The following EPS15L1 variants were observed in gnomAD, a reference collection of about 807,000 sequenced individuals.
The protein encoded by EPS15L1 is epidermal growth factor receptor pathway substrate 15 like 1.
EPS15L1 carries 43 observed loss-of-function variants against 117.1 expected under a neutral mutation model. The observed-to-expected ratio is 0.37, with a 90% CI of 0.29 to 0.47. The LOEUF (loss-of-function observed/expected upper bound fraction) is 0.47, where lower values mean the gene tolerates loss of function less well. EPS15L1 is among the 20% of genes least tolerant of loss of function. The pLI is 0.99. For synonymous variants in EPS15L1, 459 were observed against 470.5 expected (o/e 0.98, Z 0.32); for missense variants, 981 against 1,164.0 (o/e 0.84, Z 2.29).
chr19:16,380,719 A>C (rs1427337294), intron 21 of EPS15L1, among the ~76,000 whole-genome samples: 1 of 152,230 alleles, frequency 6.6e-6, no homozygotes, highest in Non-Finnish European at 1.5e-5. Context: ...GCATCTAGTC[A>C]CACAGATGCG....
chr19:16,379,670 G>A (rs902032422), intron 21 of EPS15L1, among the ~76,000 whole-genome samples: 2 of 152,098 alleles, frequency 1.3e-5, no homozygotes, highest in African/African-American at 4.8e-5. Context: ...ACACAGACAA[G>A]GCCATCTAAG....
At chr19:16,458,889 C>A (rs546284407) in intron 1 of EPS15L1, among the ~76,000 whole-genome samples, 2 of 152,204 alleles carry the variant, frequency 1.3e-5, no homozygotes, top group Non-Finnish European at 2.9e-5. Context: ...TACAGGGATG[C>A]GTCCTGAGAG....
In EPS15L1 at chr19:16,471,937, C is replaced by T; in HGVS notation, c.9G>A (p.Ala3=). 2 of 1,290,712 alleles carry T rather than the reference C, an allele frequency of 1.5e-6. No individual in the cohort carries two copies. Among genetic ancestry groups the T allele is most frequent in the South Asian group, 2.3e-5 (1 of 42,856 alleles). The allele number at this position is 1,290,712 out of a possible 1,614,324, so 80.0% of individuals were successfully genotyped here. A position where few individuals can be genotyped will look rare whatever the true frequency, so the allele number is the denominator to read the frequency against. The part of the protein sequence containing the change: MA[A]PLIPLSQQIP... ...CCTGCTGGGAGAGGGGGATGAGCGG[C>T]GCCGCCATCTTCCCGCGGACTCGGG... Residue 3 remains alanine (A), a synonymous_variant, in exon 1 of 24, where the codon GCG becomes GCA. Transcript: ENST00000455140. The surrounding 1 kb of genome is among the most constrained non-coding windows in gnomAD (Gnocchi z 4.8).
At chr19:16,459,632 C>A (rs777864892) in intron 1 of EPS15L1, among the ~76,000 whole-genome samples, 58 of 152,284 alleles carry the variant, frequency 3.8e-4, no homozygotes, top group Admixed American at 1.0e-3. Flanking sequence ...TAGACAGCAC[C>A]TGGCCTGAGG....
Position 16,355,544 on chromosome 19 carries a change from C to A in EPS15L1, c.*161G>T. On this transcript the variant is annotated 3_prime_UTR_variant, in exon 24 of 24. Transcript: ENST00000455140. Reference sequence around the variant, plus strand: ...TAAGGGCTTCCCCAGGAGATGTGACCTTTCCAGGTCTTGCAGCCGAGTCTG... The same window carrying A: ...TAAGGGCTTCCCCAGGAGATGTGACATTTCCAGGTCTTGCAGCCGAGTCTG... 1 of 914,328 alleles carries A rather than the reference C, an allele frequency of 1.1e-6. No individual in the cohort carries two copies. The highest frequency in any genetic ancestry group is 1.6e-6 in the Non-Finnish European group (1 of 626,096). 56.6% of individuals were successfully genotyped at this position (914,328 alleles called of 1,614,324 possible).
At position 16,404,823 on chromosome 19, in the gene EPS15L1, G is replaced by A; in HGVS notation, c.1267-74C>T. The A allele has an allele frequency of 7.1e-6, 11 of 1,541,368 alleles. No individual in the cohort carries two copies. Among genetic ancestry groups the A allele is most frequent in the Non-Finnish European group, 7.1e-6 (8 of 1,126,918 alleles). ...TGTCCAAGATAACGGGGGGCAGCCTGGGCCAGAAGTCCAGGGGAAGCCTCC... is the reference window on the plus strand; with the variant it reads ...TGTCCAAGATAACGGGGGGCAGCCTAGGCCAGAAGTCCAGGGGAAGCCTCC... On this transcript the variant is annotated intron_variant, in intron 13 of 23. Transcript: ENST00000455140. The surrounding 1 kb of genome is among the most constrained non-coding windows in gnomAD (Gnocchi z 4.2).
chr19:16,413,973 C>A, intron 12 of EPS15L1, 128 bp from the exon 13 acceptor site: 3 of 692,748 alleles, frequency 4.3e-6, no homozygotes, highest in South Asian at 1.7e-5. Context: ...GAATGAGACC[C>A]AGCGACTGCT....
chr19:16,441,968 T>C lies in EPS15L1; in HGVS notation c.89A>G (p.Tyr30Cys), dbSNP rs144629979. 6.2e-7 allele frequency: 1 copy of C among 1,613,312 alleles called. No individual in the cohort carries two copies. Among genetic ancestry groups the C allele is most frequent in the Non-Finnish European group, 8.5e-7 (1 of 1,179,796 alleles). ...ESYYKQVDPAYTGRVGASEAA... is the reference protein window; with the variant it reads ...ESYYKQVDPACTGRVGASEAA... ...TTCACTCGCCCCCACCCTCCCTGTG[T>C]ATGCCGGATCGACCTGAAATGGGAG... The change falls in exon 3 of 24, where the codon TAC (tyrosine) becomes TGC (cysteine). Residue 30 changes from tyrosine to cysteine, a missense_variant. Transcript: ENST00000455140.
At chr19:16,417,396 G>C in intron 12 of EPS15L1, 156 bp downstream of exon 12, 2 of 651,976 alleles carry the variant, frequency 3.1e-6, no homozygotes, top group South Asian at 3.6e-5. Context: ...CAAGCCCCTT[G>C]AGCCAGTTTA....
chr19:16,398,737 A>G (rs531995856), intron 16 of EPS15L1, among the ~76,000 whole-genome samples: 1 of 152,286 alleles, frequency 6.6e-6, no homozygotes, highest in African/African-American at 2.4e-5. Context: ...ACTACTGAGC[A>G]GCGTGGGAGT....
chr19:16,373,654 TGG>T (rs944794327), intron 22 of EPS15L1, among the ~76,000 whole-genome samples: 1 of 152,176 alleles, frequency 6.6e-6, no homozygotes, highest in Non-Finnish European at 1.5e-5. Flanking sequence ...GGGCTGCACG[TGG>T]GTCTGTGCCG....
chr19:16,469,258 G>A (rs1359900536), intron 1 of EPS15L1, among the ~76,000 whole-genome samples: 4 of 152,086 alleles, frequency 2.6e-5, no homozygotes. Context: ...GATGCAGGTA[G>A]GGAGGCTGAA....
At chr19:16,414,039 G>A (rs1382981354) in intron 12 of EPS15L1, among the ~76,000 whole-genome samples, 194 bp from the exon 13 acceptor site, 1 of 152,056 alleles carries the variant, frequency 6.6e-6, no homozygotes, top group East Asian at 1.9e-4. Flanking sequence ...ACCATGGGAG[G>A]GATCGCTCCC....
intron 16 of EPS15L1, among the ~76,000 whole-genome samples, chr19:16,400,336 C>CAAAAAA (rs1162302779): frequency 2.6e-3 from 155 of 60,570 alleles, no homozygotes; most frequent in African/African-American, 7.8e-3. Flanking sequence ...GACTCCGTCT[C>CAAAAAA]AAAAAAAAAA....
Position 16,418,094 on chromosome 19 carries a change from C to T in EPS15L1, c.961G>A (p.Asp321Asn), listed in dbSNP as rs1441606299. ...NLLAHIWALA[D>N]TRQTGKLSKD... The stretch of plus-strand genomic sequence containing the variant: ...CTTAACTTCCCCGTTTGCCTCGTAT[C>T]GGCCAGGGCCCTGGGAGAAACGTGG... The change falls in exon 11 of 24, where the codon GAT (aspartate) becomes AAT (asparagine). Residue 321 changes from aspartate (D) to asparagine (N), a missense_variant. Physicochemically the swap from Asp to Asn is conservative, Grantham distance 23 (BLOSUM62 1). This residue lies in a region of EPS15L1 where 819 missense variants were observed against 949.0 expected (regional missense o/e 0.86). Coordinates refer to ENST00000455140, the MANE Select transcript of EPS15L1 (RefSeq NM_001258374.3). 5.6e-6 allele frequency: 9 copies of T among 1,613,094 alleles called. No homozygotes were observed. The highest frequency in any genetic ancestry group is 1.7e-5 in the Admixed American group (1 of 59,906).
At chr19:16,359,358 G>A (rs182626709) in intron 23 of EPS15L1, among the ~76,000 whole-genome samples, 2 of 152,320 alleles carry the variant, frequency 1.3e-5, no homozygotes, top group Admixed American at 1.3e-4. Context: ...GCCCCCGAAT[G>A]CCGTGAACAT....
intron 7 of EPS15L1, among the ~76,000 whole-genome samples, chr19:16,431,692 A>T (rs1278859858): frequency 6.6e-6 from 1 of 152,196 alleles, no homozygotes; most frequent in Non-Finnish European, 1.5e-5. Context: ...CCAGAAGAGA[A>T]GATTTGAATG....
chr19:16,427,874 AC>A (rs530699452), intron 8 of EPS15L1, among the ~76,000 whole-genome samples: 16 of 151,712 alleles, frequency 1.1e-4, no homozygotes, highest in Non-Finnish European at 2.2e-4. Context: ...AGCCTGGGTG[AC>A]AGAGCAAGAC....
intron 3 of EPS15L1, 195 bp downstream of exon 3, chr19:16,441,697 G>A: frequency 2.2e-6 from 1 of 445,696 alleles, no homozygotes; most frequent in Middle Eastern, 6.5e-4. Context: ...TTTCTTATCT[G>A]CTACCAAAGT....
Sources: gnomAD v4.1 joint callset for allele counts (sites outside exome capture counted in the v4.1 genomes callset) on GRCh38, gnomAD v4.1.1 for gene constraint, gnomAD v4.1.1 regional missense constraint, Gnocchi (gnomAD v3.1) non-coding constraint, MANE v1.5 for transcripts, NCBI Gene and HGNC (gene_info 2026-07-23, HGNC 2026-07-21) for gene names.